The following DLG2 variants were observed in gnomAD, a reference collection of about 807,000 sequenced individuals.
DLG2 encodes the protein disks large homolog 2.
Under a neutral mutation model 132.5 loss-of-function variants are expected in DLG2, and 45 were observed. The observed-to-expected ratio is 0.34, with a 90% CI of 0.27 to 0.44. DLG2 has a LOEUF of 0.44. DLG2 is among the 20% of genes least tolerant of loss of function. The pLI is 1.00. For synonymous variants in DLG2, 424 were observed against 419.6 expected, an observed-to-expected ratio of 1.01 and a Z score of -0.13; for missense variants, 1,045 against 1,196.9, an observed-to-expected ratio of 0.87 and a Z score of 1.87.
chr11:83,637,902 G>T (rs939624034), intron 18 of DLG2, among the ~76,000 whole-genome samples: 1 of 152,142 alleles, frequency 6.6e-6, no homozygotes, highest in Non-Finnish European at 1.5e-5. Flanking sequence ...GAAAGAATTT[G>T]CTTCCAGAAC....
At chr11:84,891,193 A>G (rs2089324262) in intron 6 of DLG2, among the ~76,000 whole-genome samples, 1 of 152,192 alleles carries the variant, frequency 6.6e-6, no homozygotes, top group South Asian at 2.1e-4. Flanking sequence ...AATATGCTAC[A>G]TTTTAAAAGA....
chr11:84,639,348 G>GTTTTTTTTTTT, intron 6 of DLG2, among the ~76,000 whole-genome samples: 1 of 126,812 alleles, frequency 7.9e-6, no homozygotes, highest in African/African-American at 2.8e-5. Flanking sequence ...AGATATCTGT[G>GTTTTTTTTTTT]TTTTTTTTTT....
In DLG2 at chr11:85,448,897, G is replaced by A. The variant is rs572161975; in HGVS notation, c.40+149760C>T. Reference sequence around the variant, plus strand: ...GTTCCCATTCTTCATTTCTGACTGTGCTTATTTATGCTTCTCTCTCCCTCT... The same window carrying A: ...GTTCCCATTCTTCATTTCTGACTGTACTTATTTATGCTTCTCTCTCCCTCT... On this transcript the variant is annotated intron_variant, in intron 3 of 27. Coordinates refer to ENST00000376104, the MANE Select transcript of DLG2 (RefSeq NM_001142699.3). Among the ~76,000 whole-genome samples the A allele has an allele frequency of 2.0e-5, 3 of 152,122 alleles. No individual in the cohort carries two copies. In the East Asian group the frequency reaches 5.8e-4, roughly 29 times the overall value.
intron 7 of DLG2, among the ~76,000 whole-genome samples, chr11:84,366,362 C>T (rs1321580262): frequency 1.3e-5 from 2 of 151,622 alleles, no homozygotes; most frequent in Admixed American, 6.6e-5. Flanking sequence ...CAAAATCATG[C>T]CAAAATGTAA....
chr11:85,596,921 T>C (rs1233847945), intron 3 of DLG2, among the ~76,000 whole-genome samples: 1 of 152,228 alleles, frequency 6.6e-6, no homozygotes, highest in African/African-American at 2.4e-5. Flanking sequence ...ATAATGTTGC[T>C]CTCTTGTTTG....
intron 8 of DLG2, among the ~76,000 whole-genome samples, chr11:84,196,047 CATT>C (rs1192150316): frequency 6.6e-6 from 1 of 152,112 alleles, no homozygotes; most frequent in Non-Finnish European, 1.5e-5. Context: ...GTATGTAGAT[CATT>C]ATTAAATCAA....
At chr11:85,375,908 T>A (rs1329965061) in intron 3 of DLG2, among the ~76,000 whole-genome samples, 1 of 152,174 alleles carries the variant, frequency 6.6e-6, no homozygotes, top group African/African-American at 2.4e-5. Flanking sequence ...TATTTAGAGA[T>A]ACAGAGAGAA....
Position 84,540,600 on chromosome 11 carries a change from A to C in DLG2, c.358-5869T>G, listed in dbSNP as rs140353268. On this transcript the variant is annotated intron_variant, in intron 6 of 27. Transcript: ENST00000376104. ...ACTTTTACACTGTTGGTGGGACCGTAAACTACTTCCACCATTGTGGAAGTC... is the reference window on the plus strand; with the variant it reads ...ACTTTTACACTGTTGGTGGGACCGTCAACTACTTCCACCATTGTGGAAGTC... 5.7e-3 allele frequency among the ~76,000 whole-genome samples: 869 copies of C among 152,340 alleles called. 8 individuals are homozygous for C. The highest frequency in any genetic ancestry group is 0.02 in the African/African-American group (829 of 41,580).
In DLG2 at chr11:85,270,473, G is replaced by C. The variant is rs563497180; in HGVS notation, c.186+14747C>G. 2.0e-5 allele frequency among the ~76,000 whole-genome samples: 3 copies of C among 152,250 alleles called. No individual in the cohort carries two copies. The South Asian group carries it at 6.2e-4, about 32-fold the overall frequency. On this transcript the variant is annotated intron_variant, in intron 4 of 27. Transcript: ENST00000376104. The stretch of plus-strand genomic sequence containing the variant: ...GAAAACAAGCTAATACAGTAATTTG[G>C]TACTGACAGTGGGGTGCTGCTGAAA...
chr11:85,506,735 G>A (rs143032138), intron 3 of DLG2, among the ~76,000 whole-genome samples: 5,318 of 152,040 alleles, frequency 0.035, 137 homozygotes, highest in Middle Eastern at 0.078. Context: ...TATTAGGTCC[G>A]CTTGGTGCAG....
chr11:85,490,934 C>G lies in DLG2; in HGVS notation c.40+107723G>C, dbSNP rs60945243. 7.0e-4 allele frequency among the ~76,000 whole-genome samples: 107 copies of G among 152,074 alleles called. 1 individual carries two copies. The highest frequency in any genetic ancestry group is 2.6e-3 in the African/African-American group (106 of 41,516). On this transcript the variant is annotated intron_variant, in intron 3 of 27. Transcript: ENST00000376104. ...CCGAATTCAATCTATGAGGCCGGTA[C>G]CATCCTGATACCAAAACCAGACAAG...
chr11:83,633,127 G>T, intron 19 of DLG2, 84 bp downstream of exon 19: 1 of 1,234,436 alleles, frequency 8.1e-7, no homozygotes, highest in South Asian at 1.2e-5. Flanking sequence ...TGGGACACAT[G>T]TTCTGTTGCT....
chr11:84,704,860 TAC>T (rs753979160), intron 6 of DLG2, among the ~76,000 whole-genome samples: 9 of 148,912 alleles, frequency 6.0e-5, no homozygotes, highest in African/African-American at 1.5e-4. Flanking sequence ...TATATATATA[TAC>T]ACACACACAC....
intron 6 of DLG2, among the ~76,000 whole-genome samples, chr11:85,002,666 AC>A (rs2058317981): frequency 6.6e-6 from 1 of 152,106 alleles, no homozygotes. Context: ...GCCAAATAGT[AC>A]TACAGTCGAC....
At chr11:84,123,971 T>A (rs1193190013) in intron 9 of DLG2, among the ~76,000 whole-genome samples, 1 of 152,214 alleles carries the variant, frequency 6.6e-6, no homozygotes, top group Non-Finnish European at 1.5e-5. Flanking sequence ...TATTTTGTGA[T>A]TCATGCATGT....
chr11:84,948,807 C>T lies in DLG2; in HGVS notation c.357+162854G>A, dbSNP rs76246910. ...TAAGTACCATGACCTTGGTAAGTTACATCATTTCTCTGAGCCTCAATGTTT... is the reference window on the plus strand; with the variant it reads ...TAAGTACCATGACCTTGGTAAGTTATATCATTTCTCTGAGCCTCAATGTTT... On this transcript the variant is annotated intron_variant, in intron 6 of 27. Coordinates refer to ENST00000376104, the MANE Select transcript of DLG2 (RefSeq NM_001142699.3). Among the ~76,000 whole-genome samples, 1,628 of 152,242 alleles carry T rather than the reference C, an allele frequency of 0.011. 81 individuals are homozygous for T. The East Asian group carries it at 0.15, about 14-fold the overall frequency.
At chr11:84,778,997 A>G (rs958231764) in intron 6 of DLG2, among the ~76,000 whole-genome samples, 5 of 152,142 alleles carry the variant, frequency 3.3e-5, no homozygotes, top group African/African-American at 1.2e-4. Flanking sequence ...GTGGTTTGCC[A>G]GGGGCTCTCA....
chr11:83,848,939 A>G (rs1021737507), intron 16 of DLG2, among the ~76,000 whole-genome samples: 4 of 152,292 alleles, frequency 2.6e-5, no homozygotes, highest in Admixed American at 6.5e-5. Context: ...AGAGCATTTT[A>G]TTTGGGGGCA....
At chr11:84,859,410 A>ATATATG (rs1238556514) in intron 6 of DLG2, among the ~76,000 whole-genome samples, 3 of 145,256 alleles carry the variant, frequency 2.1e-5, no homozygotes. Context: ...ATATATACAT[A>ATATATG]TATATGTATA....
Sources: allele counts gnomAD v4.1 joint callset (sites outside exome capture counted in the v4.1 genomes callset), GRCh38; gene constraint gnomAD v4.1.1; transcripts MANE v1.5; gene names NCBI Gene and HGNC (gene_info 2026-07-23, HGNC 2026-07-21).